FANCL: variants seen among roughly 807,000 people sequenced by gnomAD.
The protein encoded by FANCL is FA complementation group L.
In FANCL, 69 loss-of-function variants were observed where a neutral mutation model predicts 59.4. The ratio of observed to expected loss-of-function variants is 1.16; its 90% CI spans 0.96 to 1.42. FANCL has a LOEUF of 1.42. Ranked by LOEUF, FANCL falls within the 40% of genes most tolerant of loss-of-function variation. The pLI is 0.00. For missense variants in FANCL, 519 were observed against 447.2 expected (o/e 1.16, Z -1.45); for synonymous variants, 180 against 147.1 (o/e 1.22, Z -1.62).
At chr2:58,208,727 A>G (rs1051857140) in intron 5 of FANCL, among the ~76,000 whole-genome samples, 1 of 152,186 alleles carries the variant, frequency 6.6e-6, no homozygotes, top group African/African-American at 2.4e-5. Context: ...ACTACTTCAT[A>G]TCTGGATTAC....
chr2:58,161,245 C>T, intron 12 of FANCL, among the ~76,000 whole-genome samples: 1 of 151,828 alleles, frequency 6.6e-6, no homozygotes, highest in Non-Finnish European at 1.5e-5. Context: ...TCCAATGTAC[C>T]ATCAATTTAA....
chr2:58,184,734 T>C (rs1239598729), intron 7 of FANCL, among the ~76,000 whole-genome samples: 1 of 152,030 alleles, frequency 6.6e-6, no homozygotes, highest in Non-Finnish European at 1.5e-5. Context: ...GAAATCAAGT[T>C]AATGCAGAAG....
At chr2:58,175,544 T>C (rs1290095529) in intron 7 of FANCL, among the ~76,000 whole-genome samples, 2 of 152,118 alleles carry the variant, frequency 1.3e-5, no homozygotes, top group Non-Finnish European at 2.9e-5. Context: ...CACATGATTA[T>C]CTCAATAGAT....
Position 58,165,629 on chromosome 2 carries a change from T to C in FANCL, c.691+95A>G, listed in dbSNP as rs1188613379. 10 of 1,469,372 alleles carry C rather than the reference T, an allele frequency of 6.8e-6. No homozygotes were observed. In the African/African-American group the frequency reaches 7.0e-5, roughly 10 times the overall value. The allele number at this position is 1,469,372 out of a possible 1,614,324, so 91.0% of individuals were successfully genotyped here. ...GAAAATTTTAATAGTTGACTTCATATAAAGAAGTCTGAGTCCAACTGTCAT... is the reference window on the plus strand; with the variant it reads ...GAAAATTTTAATAGTTGACTTCATACAAAGAAGTCTGAGTCCAACTGTCAT... On this transcript the variant is annotated intron_variant, in intron 8 of 13. Transcript: ENST00000233741.
rs573788864 is a variant in FANCL at position 58,177,398 on chromosome 2, T to G, written c.541-11524A>C. Among the ~76,000 whole-genome samples, 14 of 151,980 alleles carry G rather than the reference T, an allele frequency of 9.2e-5. No individual in the cohort carries two copies. The East Asian group carries it at 2.1e-3, about 23-fold the overall frequency. On this transcript the variant is annotated intron_variant, in intron 7 of 13. Transcript: ENST00000233741. ...AACCAACCCAAATATCCAACAATGA[T>G]AGACTGGATTAAGAAAACGTGGCAC...
At chr2:58,195,509 T>C (rs1347539747) in intron 7 of FANCL, among the ~76,000 whole-genome samples, 1 of 152,110 alleles carries the variant, frequency 6.6e-6, no homozygotes, top group Non-Finnish European at 1.5e-5. Context: ...GCAGAATATC[T>C]TTTCAGAAAA....
At chr2:58,235,713 T>C (rs1693950661) in intron 1 of FANCL, among the ~76,000 whole-genome samples, 1 of 151,974 alleles carries the variant, frequency 6.6e-6, no homozygotes, top group East Asian at 1.9e-4. Flanking sequence ...ATGGCACAGA[T>C]GATAAACCTG....
intron 2 of FANCL, among the ~76,000 whole-genome samples, chr2:58,230,251 T>A (rs1469680099): frequency 6.6e-6 from 1 of 152,226 alleles, no homozygotes; most frequent in African/African-American, 2.4e-5. Context: ...AAAGCATGTG[T>A]AGCAATATTA....
chr2:58,240,330 G>A (rs574280079), intron 1 of FANCL, among the ~76,000 whole-genome samples: 21 of 152,266 alleles, frequency 1.4e-4, no homozygotes, highest in African/African-American at 5.1e-4. Flanking sequence ...ATGCGTGATG[G>A]TGGGGAAGTG....
At chr2:58,180,508 G>A (rs556705954) in intron 7 of FANCL, among the ~76,000 whole-genome samples, 1 of 152,070 alleles carries the variant, frequency 6.6e-6, no homozygotes, top group South Asian at 2.1e-4. Flanking sequence ...GTTGAACAAT[G>A]AGAACACATG....
chr2:58,226,538 T>C (rs966402644), intron 4 of FANCL, among the ~76,000 whole-genome samples, 190 bp downstream of exon 4: 1 of 152,154 alleles, frequency 6.6e-6, no homozygotes, highest in Non-Finnish European at 1.5e-5. Context: ...AGAGGTTCCT[T>C]CGAACAGTTA....
chr2:58,204,521 C>G (rs912524981), intron 5 of FANCL, among the ~76,000 whole-genome samples: 18 of 152,058 alleles, frequency 1.2e-4, no homozygotes, highest in African/African-American at 4.3e-4. Flanking sequence ...ACCTTTGGCA[C>G]ACACAGCATG....
chr2:58,222,703 T>C (rs17049420), intron 4 of FANCL, among the ~76,000 whole-genome samples: 11,621 of 152,102 alleles, frequency 0.076, 819 homozygotes, highest in African/African-American at 0.18. Context: ...TAAACATCAC[T>C]AGAATTGCTG....
chr2:58,174,658 T>C (rs1330295741), intron 7 of FANCL, among the ~76,000 whole-genome samples: 2 of 152,114 alleles, frequency 1.3e-5, no homozygotes, highest in Non-Finnish European at 2.9e-5. Context: ...GGGAAATTTA[T>C]AGCACTAAAT....
In FANCL at chr2:58,165,825, A is replaced by G. The variant is rs1685882598; in HGVS notation, c.590T>C (p.Leu197Pro). 3 of 1,613,988 alleles carry G rather than the reference A, an allele frequency of 1.9e-6. No individual in the cohort carries two copies. The South Asian group carries it at 3.3e-5, about 18-fold the overall frequency. Residue 197 changes from leucine (L) to proline (P), a missense_variant, in exon 8 of 14, where the codon CTA (leucine) becomes CCA (proline). Leu to Pro is a moderately conservative substitution (Grantham distance 98). Coordinates refer to ENST00000233741, the MANE Select transcript of FANCL (RefSeq NM_018062.4). ...YSQFLAAIESLKAFWDVMDEI... is the reference protein window; with the variant it reads ...YSQFLAAIESPKAFWDVMDEI... Reference sequence around the variant, plus strand: ...ATCCATAACATCCCAGAATGCCTTTAGTGATTCTATTGCTGCCAAAAACTG... The same window carrying G: ...ATCCATAACATCCCAGAATGCCTTTGGTGATTCTATTGCTGCCAAAAACTG...
chr2:58,209,376 C>T (rs1439085107), intron 5 of FANCL, among the ~76,000 whole-genome samples: 2 of 151,910 alleles, frequency 1.3e-5, no homozygotes, highest in East Asian at 3.9e-4. Context: ...CCTAGAAAAA[C>T]ATGATTTTTT....
At position 58,202,695 on chromosome 2, in the gene FANCL, AG is replaced by A. The variant is rs386646477; in HGVS notation, c.471+1434del. ...CATCTTATCTACCTTGAAAAAGTAT[AG>A]AAAAAAGCAGACAAAATGGACCATA... is the stretch of plus-strand genomic sequence containing the variant. On this transcript the variant is annotated intron_variant, in intron 6 of 13. Coordinates refer to ENST00000233741, the MANE Select transcript of FANCL (RefSeq NM_018062.4). Among the ~76,000 whole-genome samples the A allele has an allele frequency of 7.4e-4, 113 of 152,016 alleles. 2 individuals are homozygous for A. Among genetic ancestry groups the A allele is most frequent in the African/African-American group, 2.7e-3 (112 of 41,554 alleles).
chr2:58,222,316 T>TA lies in FANCL; in HGVS notation c.274-275dup, dbSNP rs35172654. 0.63 allele frequency among the ~76,000 whole-genome samples: 94,896 copies of TA among 150,912 alleles called. 31,552 individuals are homozygous for TA. Among genetic ancestry groups the TA allele is most frequent in the African/African-American group, 0.87 (35,915 of 41,170 alleles). On this transcript the variant is annotated intron_variant, in intron 4 of 13. Coordinates refer to ENST00000233741, the MANE Select transcript of FANCL (RefSeq NM_018062.4). ...CCTGGACTATTATGCCTATCGGAGA[T>TA]AAAAAAAAAATTTTTATTAAATTCA... is the stretch of plus-strand genomic sequence containing the variant.
At chr2:58,174,808 T>C (rs1221795746) in intron 7 of FANCL, among the ~76,000 whole-genome samples, 1 of 151,838 alleles carries the variant, frequency 6.6e-6, no homozygotes, top group Non-Finnish European at 1.5e-5. Flanking sequence ...CTGAAGGAAA[T>C]AGAGACACAA....
Sources: allele counts gnomAD v4.1 joint callset (sites outside exome capture counted in the v4.1 genomes callset), GRCh38; gene constraint gnomAD v4.1.1; transcripts MANE v1.5; gene names NCBI Gene and HGNC (gene_info 2026-07-23, HGNC 2026-07-21).